DNAH9: variants seen among roughly 807,000 people sequenced by gnomAD.
DNAH9 encodes DNAH9 variant protein.
Under a neutral mutation model 471.6 loss-of-function variants are expected in DNAH9, and 345 were observed. The ratio of observed to expected loss-of-function variants is 0.73; its 90% CI spans 0.67 to 0.80. The LOEUF (loss-of-function observed/expected upper bound fraction) is 0.80. Among genes scored for constraint, DNAH9 ranks in the 30% least tolerant of loss-of-function variants. The pLI is 0.00. For missense variants in DNAH9, 5,407 were observed against 5,609.2 expected (o/e 0.96, Z 1.15); for synonymous variants, 2,093 against 2,123.6 (o/e 0.99, Z 0.40).
At position 11,694,704 on chromosome 17, in the gene DNAH9, C is replaced by T. The variant is rs7208141; in HGVS notation, c.4872+257C>T. 5.5e-4 allele frequency among the ~76,000 whole-genome samples: 2 copies of T among 3,616 alleles called. 1 individual carries two copies. The allele number at this position is 3,616 out of a possible 152,430, so 2.4% of individuals were successfully genotyped here. On this transcript the variant is annotated intron_variant, in intron 22 of 68. Coordinates refer to ENST00000262442, the MANE Select transcript of DNAH9 (RefSeq NM_001372.4). The stretch of plus-strand genomic sequence containing the variant: ...TCGCTTTCTCGCTTTCTCGCTTTCT[C>T]TCTCTCTCTCTCTCTCTCTCTCTTT...
intron 36 of DNAH9, among the ~76,000 whole-genome samples, chr17:11,767,764 G>C (rs542129977): frequency 6.6e-6 from 1 of 152,024 alleles, no homozygotes; most frequent in Non-Finnish European, 1.5e-5. Context: ...AGCCCCATGC[G>C]TAAGGGGCCC....
chr17:11,882,930 T>A (rs1972775138), intron 55 of DNAH9: 1 of 985,364 alleles, frequency 1.0e-6, no homozygotes, highest in South Asian at 4.7e-5. Context: ...AAGGTCAGGG[T>A]GGCTGTGGTT....
chr17:11,689,517 A>T (rs372562089), intron 19 of DNAH9, 49 bp from the exon 20 acceptor site: 61 of 1,516,674 alleles, frequency 4.0e-5, no homozygotes, highest in Non-Finnish European at 5.3e-5. Context: ...ATGCTAGGAG[A>T]TGGGCCCCTG....
intron 27 of DNAH9, 92 bp from the exon 28 acceptor site, chr17:11,727,726 A>C (rs1460330498): frequency 2.5e-6 from 2 of 807,120 alleles, no homozygotes; most frequent in Non-Finnish European, 4.3e-6. Context: ...GGGGACTAGA[A>C]GTATCTATAA....
intron 65 of DNAH9, among the ~76,000 whole-genome samples, chr17:11,934,570 C>G (rs1014265692): frequency 1.3e-5 from 2 of 150,778 alleles, no homozygotes; most frequent in African/African-American, 4.9e-5. Context: ...CTCAGCCTCC[C>G]GAGTAGCTGG....
intron 52 of DNAH9, among the ~76,000 whole-genome samples, chr17:11,874,375 C>G (rs1222822738): frequency 6.6e-6 from 1 of 152,118 alleles, no homozygotes; most frequent in African/African-American, 2.4e-5. Context: ...CTGATAAATA[C>G]TCGGCAGCTT....
rs1437021066 is a variant in DNAH9 at position 11,891,892 on chromosome 17, TC to T, written c.11230del (p.Arg3744AlafsTer9). On this transcript the variant is annotated frameshift_variant, in exon 58 of 69. Transcript: ENST00000262442. LOFTEE classifies it high-confidence loss of function. ...ACCTTCTCTGTGTACCAGTACACCA[TC>T]CGCGGGCTCTTTGAGTGTGATAAGC... is the stretch of plus-strand genomic sequence containing the variant. ...SITFSVYQYT[I>X]RGLFECDKLT... 2 of 1,613,988 alleles carry T rather than the reference TC, an allele frequency of 1.2e-6. No homozygotes were observed. Among genetic ancestry groups the T allele is most frequent in the Non-Finnish European group, 1.7e-6 (2 of 1,180,010 alleles).
Position 11,932,308 on chromosome 17 carries a change from G to A in DNAH9, c.12297+103G>A. On this transcript the variant is annotated intron_variant, in intron 64 of 68. Transcript: ENST00000262442. This position sits in a 1 kb window ranked among gnomAD's most constrained non-coding sequence, Gnocchi z 4.3. ...GGGGTCTAGGATGGGGCCTGAGAAT[G>A]TGCATTTCTAACAAGCTCCCTCGTG... The A allele has an allele frequency of 8.2e-7, 1 of 1,220,150 alleles. No individual in the cohort carries two copies. The highest frequency in any genetic ancestry group is 1.1e-6 in the Non-Finnish European group (1 of 888,016). 75.6% of individuals were successfully genotyped at this position (1,220,150 alleles called of 1,614,324 possible). A position where few individuals can be genotyped will look rare whatever the true frequency, so the allele number is the denominator to read the frequency against.
At chr17:11,739,414 CT>C (rs1329405864) in intron 29 of DNAH9, among the ~76,000 whole-genome samples, 1 of 152,158 alleles carries the variant, frequency 6.6e-6, no homozygotes, top group Non-Finnish European at 1.5e-5. Context: ...TAATTAACTA[CT>C]CCCCCATGGT....
intron 23 of DNAH9, among the ~76,000 whole-genome samples, chr17:11,700,259 C>A (rs1336197195): frequency 6.6e-6 from 1 of 152,194 alleles, no homozygotes; most frequent in Non-Finnish European, 1.5e-5. Flanking sequence ...AACACTGACA[C>A]CCTCCCTGGG....
rs187295808 is a variant in DNAH9, at chr17:11,652,982, A to C, written c.2575A>C (p.Lys859Gln). Residue 859 changes from lysine to glutamine, a missense_variant, in exon 14 of 69, where the codon AAG (lysine) becomes CAG (glutamine). By Grantham distance (53) the Lys-to-Gln change is moderately conservative (BLOSUM62 1). Transcript: ENST00000262442. Reference sequence around the variant, plus strand: ...CAATCTCATCAAGGAATCTGGCCTTAAGATCCACGCCCTTGTTCAGGTAAT... The same window carrying C: ...CAATCTCATCAAGGAATCTGGCCTTCAGATCCACGCCCTTGTTCAGGTAAT... ...YYNLIKESGL[K>Q]IHALVQENLG... 6.2e-7 allele frequency: 1 copy of C among 1,614,024 alleles called. No homozygotes were observed. The highest frequency in any genetic ancestry group is 2.2e-5 in the East Asian group (1 of 44,876).
intron 24 of DNAH9, among the ~76,000 whole-genome samples, chr17:11,703,407 C>A (rs2150775827): frequency 6.6e-6 from 1 of 152,228 alleles, no homozygotes; most frequent in East Asian, 1.9e-4. Context: ...CCTTGTTTAC[C>A]TGTATCAGAA....
chr17:11,871,758 C>G lies in DNAH9; in HGVS notation c.10214C>G (p.Thr3405Ser), dbSNP rs1240885346. Residue 3405 changes from threonine (T) to serine (S), a missense_variant, in exon 52 of 69, where the codon ACT becomes AGT. Coordinates refer to ENST00000262442, the MANE Select transcript of DNAH9 (RefSeq NM_001372.4). The part of the protein sequence containing the change: ...KKYRQSLLDR[T>S]WRPYLSQLKT... ...TACCGGCAGAGCCTCCTGGACAGAA[C>G]TTGGAGGCCCTACCTGAGCCAGCTG... 1.2e-6 allele frequency: 2 copies of G among 1,614,186 alleles called. No homozygotes were observed. The highest frequency in any genetic ancestry group is 2.2e-5 in the East Asian group (1 of 44,890).
At chr17:11,602,816 A>C (rs528707829) in intron 1 of DNAH9, among the ~76,000 whole-genome samples, 1 of 151,928 alleles carries the variant, frequency 6.6e-6, no homozygotes, top group African/African-American at 2.4e-5. Context: ...CACCAACCTC[A>C]TTGTCCAATT....
At chr17:11,731,665 T>C (rs552011779) in intron 28 of DNAH9, among the ~76,000 whole-genome samples, 27 of 151,478 alleles carry the variant, frequency 1.8e-4, no homozygotes, top group African/African-American at 6.5e-4. Flanking sequence ...TTTTTTGTCC[T>C]TGTGATAGTT....
intron 68 of DNAH9, among the ~76,000 whole-genome samples, chr17:11,966,391 C>A (rs1976727887): frequency 6.6e-6 from 1 of 152,092 alleles, no homozygotes; most frequent in Non-Finnish European, 1.5e-5. Context: ...GAAAGTGAGA[C>A]ATTCTCAGAT....
chr17:11,817,064 A>AT (rs1024565339), intron 45 of DNAH9, among the ~76,000 whole-genome samples: 51 of 151,888 alleles, frequency 3.4e-4, no homozygotes, highest in East Asian at 1.7e-3. Context: ...TCAAAAAAAA[A>AT]AATAATAATA....
At chr17:11,621,992 A>C (rs753485032) in intron 6 of DNAH9, among the ~76,000 whole-genome samples, 1 of 151,814 alleles carries the variant, frequency 6.6e-6, no homozygotes. Flanking sequence ...AGGCTGAGGC[A>C]GGAGAATCAC....
In DNAH9 at chr17:11,969,743, C is replaced by A; in HGVS notation, c.*216C>A. On this transcript the variant is annotated 3_prime_UTR_variant, in exon 69 of 69. Transcript: ENST00000262442. Reference sequence around the variant, plus strand: ...AGGTTTCTTAATAAAATGATTTACTCTTCAACTGTGTCTGGCCCAGGATTT... The same window carrying A: ...AGGTTTCTTAATAAAATGATTTACTATTCAACTGTGTCTGGCCCAGGATTT... 1.9e-6 allele frequency: 1 copy of A among 532,212 alleles called. No individual in the cohort carries two copies. Among genetic ancestry groups the A allele is most frequent in the African/African-American group, 1.9e-5 (1 of 52,670 alleles). The allele number at this position is 532,212 out of a possible 1,614,324, so 33.0% of individuals were successfully genotyped here.
Sources: allele counts gnomAD v4.1 joint callset (sites outside exome capture counted in the v4.1 genomes callset), GRCh38; gene constraint gnomAD v4.1.1; non-coding constraint Gnocchi (gnomAD v3.1); transcripts MANE v1.5; gene names NCBI Gene and HGNC (gene_info 2026-07-23, HGNC 2026-07-21).